Variants in TMEM132D observed in about 807,000 individuals in gnomAD.
The protein encoded by TMEM132D is mature OL transmembrane protein.
Under a neutral mutation model 62.3 loss-of-function variants are expected in TMEM132D, and 21 were observed. The ratio of observed to expected loss-of-function variants is 0.34; its 90% confidence interval spans 0.24 to 0.49. The LOEUF is 0.49. TMEM132D is among the 20% of genes least tolerant of loss of function. The pLI, the probability that TMEM132D is intolerant of heterozygous loss-of-function variation, is 0.99. For missense variants in TMEM132D, 1,346 were observed against 1,402.8 expected (o/e 0.96, Z 0.65); for synonymous variants, 621 against 575.6 (o/e 1.08, Z -1.13).
intron 2 of TMEM132D, among the ~76,000 whole-genome samples, chr12:129,585,099 A>G (rs1040121474): frequency 1.3e-5 from 2 of 152,248 alleles, no homozygotes; most frequent in African/African-American, 4.8e-5. Flanking sequence ...CTGACATATA[A>G]CACTGATCAA....
intron 4 of TMEM132D, among the ~76,000 whole-genome samples, chr12:129,295,594 C>A (rs1433103607): frequency 1.3e-5 from 2 of 152,016 alleles, no homozygotes; most frequent in African/African-American, 4.8e-5. Flanking sequence ...CCATGCCCAG[C>A]TAATTTTGAG....
intron 5 of TMEM132D, among the ~76,000 whole-genome samples, chr12:129,197,174 T>G (rs908799799): frequency 6.6e-6 from 1 of 152,208 alleles, no homozygotes; most frequent in Admixed American, 6.5e-5. Flanking sequence ...AATGAAACTT[T>G]CTTTATGGAT....
At chr12:129,733,369 A>G (rs745900213) in intron 1 of TMEM132D, among the ~76,000 whole-genome samples, 9 of 152,098 alleles carry the variant, frequency 5.9e-5, no homozygotes, top group African/African-American at 1.9e-4. Context: ...GTGACAGAGA[A>G]TAGTTTTCAG....
chr12:129,420,304 C>CTTTTTTTTTT (rs1566063045), intron 3 of TMEM132D, among the ~76,000 whole-genome samples: 4 of 69,888 alleles, frequency 5.7e-5, no homozygotes, highest in African/African-American at 2.6e-4. Flanking sequence ...TGCACGTTCT[C>CTTTTTTTTTT]TGTTTTTTTT....
At chr12:129,513,963 G>A (rs186105407) in intron 3 of TMEM132D, among the ~76,000 whole-genome samples, 1 of 150,292 alleles carries the variant, frequency 6.7e-6, no homozygotes, top group African/African-American at 2.5e-5. Context: ...TCAGCCTCCC[G>A]AGTAGCTGGG....
chr12:129,875,072 G>A (rs1874373646), intron 1 of TMEM132D, among the ~76,000 whole-genome samples: 3 of 152,274 alleles, frequency 2.0e-5, no homozygotes, highest in African/African-American at 4.8e-5. Context: ...AAATCAAGCT[G>A]TATTCTAGCA....
intron 4 of TMEM132D, among the ~76,000 whole-genome samples, chr12:129,250,835 G>A (rs757769273): frequency 7.2e-5 from 11 of 152,192 alleles, no homozygotes; most frequent in Non-Finnish European, 1.3e-4. Flanking sequence ...AGAATGTAGT[G>A]AGATACCAAA....
chr12:129,837,941 A>G (rs1425587674), intron 1 of TMEM132D, among the ~76,000 whole-genome samples: 1 of 152,252 alleles, frequency 6.6e-6, no homozygotes, highest in Non-Finnish European at 1.5e-5. Context: ...AATTACACAC[A>G]AAATGTAATC....
intron 2 of TMEM132D, among the ~76,000 whole-genome samples, chr12:129,612,853 G>A (rs527527421): frequency 7.2e-5 from 11 of 152,264 alleles, no homozygotes; most frequent in South Asian, 2.1e-4. Flanking sequence ...GCGACAGAGC[G>A]AGACTCCGTC....
chr12:129,771,716 C>T (rs1253158357), intron 1 of TMEM132D, among the ~76,000 whole-genome samples: 1 of 152,214 alleles, frequency 6.6e-6, no homozygotes, highest in Non-Finnish European at 1.5e-5. Flanking sequence ...ATTGGGTAAT[C>T]CCGGTTAACA....
At chr12:129,262,007 G>C (rs1050965627) in intron 4 of TMEM132D, among the ~76,000 whole-genome samples, 4 of 152,230 alleles carry the variant, frequency 2.6e-5, no homozygotes, top group African/African-American at 9.6e-5. Flanking sequence ...ATGTCAAGTG[G>C]AGGCATCATT....
chr12:129,151,705 C>A (rs1391737628), intron 5 of TMEM132D, among the ~76,000 whole-genome samples: 1 of 152,168 alleles, frequency 6.6e-6, no homozygotes, highest in Non-Finnish European at 1.5e-5. Flanking sequence ...CTTCTCATTA[C>A]CCGGCAGCTA....
intron 1 of TMEM132D, among the ~76,000 whole-genome samples, chr12:129,762,036 A>G (rs1261363043): frequency 6.6e-6 from 1 of 152,214 alleles, no homozygotes; most frequent in East Asian, 1.9e-4. Flanking sequence ...TCCAGCCTGC[A>G]GATAAAGATG....
chr12:129,088,479 A>C (rs868483155), intron 5 of TMEM132D, among the ~76,000 whole-genome samples: 5 of 33,864 alleles, frequency 1.5e-4, no homozygotes, highest in African/African-American at 4.6e-4. Context: ...GGTGTCCTCC[A>C]TGACCGGGTG....
chr12:129,789,415 T>A (rs1320920393), intron 1 of TMEM132D, among the ~76,000 whole-genome samples: 2 of 152,200 alleles, frequency 1.3e-5, no homozygotes, highest in Non-Finnish European at 2.9e-5. Flanking sequence ...GTGAAAAAGA[T>A]ACTTACACAC....
At chr12:129,847,844 C>A (rs1008331429) in intron 1 of TMEM132D, among the ~76,000 whole-genome samples, 4 of 152,036 alleles carry the variant, frequency 2.6e-5, no homozygotes, top group Non-Finnish European at 5.9e-5. Flanking sequence ...TCACGCAGTG[C>A]GGAACCCCAA....
intron 5 of TMEM132D, among the ~76,000 whole-genome samples, chr12:129,193,546 C>T (rs972556977): frequency 1.3e-5 from 2 of 152,144 alleles, no homozygotes; most frequent in Non-Finnish European, 2.9e-5. Context: ...AATAACACAT[C>T]CAAAATCGAA....
At chr12:129,835,528 T>G (rs1015671442) in intron 1 of TMEM132D, among the ~76,000 whole-genome samples, 3 of 152,272 alleles carry the variant, frequency 2.0e-5, no homozygotes, top group Admixed American at 6.5e-5. Context: ...TGACCTCAAA[T>G]GATCCACCTG....
At chr12:129,807,898 A>G (rs1872046782) in intron 1 of TMEM132D, among the ~76,000 whole-genome samples, 1 of 152,192 alleles carries the variant, frequency 6.6e-6, no homozygotes, top group Non-Finnish European at 1.5e-5. Flanking sequence ...GCATCATAGG[A>G]GGACGTTTAC....
Sources: gnomAD v4.1 joint callset for allele counts (sites outside exome capture counted in the v4.1 genomes callset) on GRCh38, gnomAD v4.1.1 for gene constraint, MANE v1.5 for transcripts, NCBI Gene and HGNC (gene_info 2026-07-23, HGNC 2026-07-21) for gene names.